RARB: variants seen among roughly 807,000 people sequenced by gnomAD.
RARB encodes the protein HBV-activated protein.
A neutral mutation model predicts 51.9 loss-of-function variants in RARB; 17 were observed. That is an observed-to-expected ratio of 0.33 (90% CI 0.22 to 0.49). The LOEUF (loss-of-function observed/expected upper bound fraction) is 0.49, where lower values mean the gene tolerates loss of function less well. Ranked by LOEUF, RARB falls within the 20% of genes least tolerant of loss-of-function variation. The pLI is 0.99. For synonymous variants in RARB, 215 were observed against 195.4 expected (o/e 1.10, Z -0.84); for missense variants, 369 against 550.8 (o/e 0.67, Z 3.30).
intron 5 of RARB, among the ~76,000 whole-genome samples, chr3:25,279,601 T>A (rs1703473705): frequency 6.6e-6 from 1 of 151,480 alleles, no homozygotes; most frequent in South Asian, 2.1e-4. Context: ...AAGTTAAATG[T>A]TTTTCTCTGA....
chr3:25,197,758 A>G (rs1352824256), intron 5 of RARB, among the ~76,000 whole-genome samples: 1 of 151,974 alleles, frequency 6.6e-6, no homozygotes, highest in Non-Finnish European at 1.5e-5. Context: ...AATTAAAAAA[A>G]TGGATGTAAT....
chr3:25,001,846 T>C (rs1311589199), intron 2 of RARB, among the ~76,000 whole-genome samples: 1 of 152,160 alleles, frequency 6.6e-6, no homozygotes, highest in Non-Finnish European at 1.5e-5. Context: ...ATGTGTTCCA[T>C]ACATCATCTA....
chr3:24,959,603 C>T (rs370348459), intron 2 of RARB, among the ~76,000 whole-genome samples: 1 of 152,224 alleles, frequency 6.6e-6, no homozygotes, highest in Admixed American at 6.5e-5. Flanking sequence ...GCTGAGGTTC[C>T]AGGCTTGAGG....
intron 2 of RARB, among the ~76,000 whole-genome samples, chr3:24,887,607 A>AT (rs1363332015): frequency 2.0e-5 from 3 of 152,240 alleles, no homozygotes; most frequent in Non-Finnish European, 4.4e-5. Context: ...TAATGAAAGA[A>AT]TAGCTGTAGG....
intron 2 of RARB, among the ~76,000 whole-genome samples, chr3:25,019,461 G>C (rs550368090): frequency 6.6e-6 from 1 of 152,066 alleles, no homozygotes; most frequent in Non-Finnish European, 1.5e-5. Context: ...ATCTATGAGA[G>C]TGCCAGTGAT....
intron 3 of RARB, among the ~76,000 whole-genome samples, chr3:25,119,360 A>G (rs115587089): frequency 0.023 from 3,562 of 152,204 alleles, 66 homozygotes; most frequent in Non-Finnish European, 0.038. Context: ...GACCTTGGCA[A>G]ATTGTCTAAC....
intron 5 of RARB, among the ~76,000 whole-genome samples, chr3:25,361,119 C>T (rs1017439554): frequency 1.7e-4 from 26 of 152,210 alleles, no homozygotes; most frequent in African/African-American, 5.1e-4. Flanking sequence ...GTACACCAAT[C>T]AAACGTAGGT....
At chr3:25,407,969 G>GGTAAC (rs1490656385) in intron 5 of RARB, among the ~76,000 whole-genome samples, 285 of 152,138 alleles carry the variant, frequency 1.9e-3, no homozygotes, top group African/African-American at 6.4e-3. Flanking sequence ...TGCCCACAGC[G>GGTAAC]GTAACGTCTC....
chr3:25,427,351 G>A (rs978109704), upstream of RARB, among the ~76,000 whole-genome samples: 32 of 152,280 alleles, frequency 2.1e-4, no homozygotes, highest in African/African-American at 7.0e-4. Flanking sequence ...TAACACTGAC[G>A]TGGGTAGTAT....
rs193265399 is a variant in RARB at position 25,338,251 on chromosome 3, A to T, written c.179-122942A>T. Among the ~76,000 whole-genome samples the T allele has an allele frequency of 3.9e-5, 6 of 152,302 alleles. No homozygotes were observed. The East Asian group carries it at 9.7e-4, about 25-fold the overall frequency. On this transcript the variant is annotated intron_variant, in intron 5 of 11. Coordinates refer to the RARB transcript ENST00000383772. ...TCCATTGCATTTCAGCCTCTTTTGC[A>T]GCAGGCATCCCATGGGAGAGCAAGA... is the stretch of plus-strand genomic sequence containing the variant.
Position 25,284,874 on chromosome 3 carries a change from G to A in RARB, c.178+110299G>A, listed in dbSNP as rs533518769. Among the ~76,000 whole-genome samples the A allele has an allele frequency of 5.9e-5, 9 of 152,292 alleles. No individual in the cohort carries two copies. In the South Asian group the frequency reaches 6.2e-4, roughly 11 times the overall value. ...TGTATATGTGGGTTCCACAGGGCTCGCTGCAGACTTGAGTCTGCACAGACT... is the reference window on the plus strand; with the variant it reads ...TGTATATGTGGGTTCCACAGGGCTCACTGCAGACTTGAGTCTGCACAGACT... On this transcript the variant is annotated intron_variant, in intron 5 of 11. Transcript: ENST00000383772.
intron 5 of RARB, among the ~76,000 whole-genome samples, chr3:25,372,189 A>G (rs1250381892): frequency 2.0e-5 from 3 of 152,242 alleles, no homozygotes; most frequent in Admixed American, 6.5e-5. Context: ...TCAGATTTCC[A>G]TTTAAATGGT....
intron 3 of RARB, among the ~76,000 whole-genome samples, chr3:25,514,091 G>T (rs1485056732): frequency 2.0e-5 from 3 of 152,190 alleles, no homozygotes; most frequent in South Asian, 4.1e-4. Flanking sequence ...TTCTCCTGCA[G>T]TCCCTGTGTT....
intron 4 of RARB, among the ~76,000 whole-genome samples, chr3:25,574,937 C>T (rs185260387): frequency 1.9e-4 from 29 of 152,232 alleles, no homozygotes; most frequent in African/African-American, 6.5e-4. Context: ...GAGTTCCAGT[C>T]CCCACTGTCA....
chr3:25,416,295 G>A (rs866149327), intron 5 of RARB, among the ~76,000 whole-genome samples: 15 of 152,262 alleles, frequency 9.9e-5, no homozygotes, highest in Middle Eastern at 3.4e-3. Context: ...GGGTTGAGGC[G>A]GGAGGATCGC....
chr3:24,917,237 G>C (rs1212164919), intron 2 of RARB, among the ~76,000 whole-genome samples: 1 of 151,820 alleles, frequency 6.6e-6, no homozygotes, highest in Non-Finnish European at 1.5e-5. Context: ...AAAAGTTTTA[G>C]AAAAAAACTT....
intron 3 of RARB, among the ~76,000 whole-genome samples, chr3:25,097,503 G>A (rs1193922439): frequency 6.6e-6 from 1 of 152,158 alleles, no homozygotes; most frequent in Non-Finnish European, 1.5e-5. Context: ...CAAAAGCCAG[G>A]TGCAGTGGTG....
chr3:25,007,600 A>AAAAAAAAAAAAAAAAAAC (rs1342393781), intron 2 of RARB, among the ~76,000 whole-genome samples: 7 of 143,256 alleles, frequency 4.9e-5, no homozygotes, highest in African/African-American at 1.9e-4. Context: ...CTCAAAAAAA[A>AAAAAAAAAAAAAAAAAAC]AAAACAAAAA....
intron 5 of RARB, among the ~76,000 whole-genome samples, chr3:25,585,937 G>A (rs78932718): frequency 0.059 from 9,040 of 152,214 alleles, 319 homozygotes; most frequent in Admixed American, 0.092. Context: ...AGGGGAGCAG[G>A]GTCAGTGTGG....
Sources: gnomAD v4.1 joint callset for allele counts (sites outside exome capture counted in the v4.1 genomes callset) on GRCh38, gnomAD v4.1.1 for gene constraint, MANE v1.5 for transcripts, NCBI Gene and HGNC (gene_info 2026-07-23, HGNC 2026-07-21) for gene names.